Variants in ZNF793 observed in about 807,000 individuals in gnomAD.
ZNF793 encodes zinc finger protein 793.
In ZNF793, 5 loss-of-function variants were observed where a neutral mutation model predicts 12.4. The ratio of observed to expected loss-of-function variants is 0.40; its 90% CI spans 0.21 to 0.84. The LOEUF is 0.84. Among genes scored for constraint, ZNF793 ranks in the 40% least tolerant of loss-of-function variants. The pLI is 0.35. For missense variants in ZNF793, 456 were observed against 495.0 expected (o/e 0.92, Z 0.75); for synonymous variants, 162 against 172.4 (o/e 0.94, Z 0.47).
At position 37,523,413 on chromosome 19, in the gene ZNF793, T is replaced by G; in HGVS notation, c.-27T>G. The G allele has an allele frequency of 6.2e-7, 1 of 1,612,044 alleles. No individual in the cohort carries two copies. Among genetic ancestry groups the G allele is most frequent in the Non-Finnish European group, 8.5e-7 (1 of 1,178,194 alleles). ...TCTTCCCCCCACATGTCTACAGGTG[T>G]CAGATCTTTTTCAAGAACAGCAGAA... is the stretch of plus-strand genomic sequence containing the variant. On this transcript the variant is annotated 5_prime_UTR_variant, in exon 5 of 8. Transcript: ENST00000627814.
Position 37,537,592 on chromosome 19 carries a change from G to T in ZNF793, c.934G>T (p.Val312Phe). The T allele has an allele frequency of 6.2e-7, 1 of 1,614,176 alleles. No individual in the cohort carries two copies. Among genetic ancestry groups the T allele is most frequent in the Non-Finnish European group, 8.5e-7 (1 of 1,180,030 alleles). The change falls in exon 8 of 8, where the codon GTC becomes TTC. Residue 312 changes from valine to phenylalanine, a missense_variant. Val to Phe is a conservative substitution (Grantham distance 50, BLOSUM62 -1). Transcript: ENST00000627814. ...QRTHTGERPFVCSECGKSFGE... is the reference protein window; with the variant it reads ...QRTHTGERPFFCSECGKSFGE... ...AACACACACAGGAGAGAGACCCTTT[G>T]TCTGCAGTGAATGCGGGAAATCGTT...
At chr19:37,506,920 T>C (rs1378746234), upstream of ZNF793, 1 of 152,164 alleles carries the variant, frequency 6.6e-6, no homozygotes, top group Non-Finnish European at 1.5e-5. Context: ...AAAGTCGCAA[T>C]TGAGTCTGCG....
At chr19:37,530,644 G>A (rs140511747) in intron 5 of ZNF793, among the ~76,000 whole-genome samples, 10,438 of 151,986 alleles carry the variant, frequency 0.069, 509 homozygotes, top group African/African-American at 0.13. Context: ...GTTGGGGGTG[G>A]GGTTATAGAT....
At chr19:37,519,435 G>A (rs1384301743) in intron 2 of ZNF793, among the ~76,000 whole-genome samples, 1 of 152,060 alleles carries the variant, frequency 6.6e-6, no homozygotes, top group Non-Finnish European at 1.5e-5. Context: ...ACCAGAAGCA[G>A]AAACTATAAG....
chr19:37,532,355 G>A lies in ZNF793; in HGVS notation c.16-1G>A, dbSNP rs200503532. 1.9e-4 allele frequency: 304 copies of A among 1,613,242 alleles called. No individual in the cohort carries two copies. The highest frequency in any genetic ancestry group is 2.4e-4 in the Non-Finnish European group (287 of 1,179,600). On this transcript the variant is annotated splice_acceptor_variant, in intron 5 of 7. Transcript: ENST00000627814. LOFTEE classifies it high-confidence loss of function. ...ACTCAATGTCATTTTTGTTTCAACAGATACCTGTGTCATTCAAAGATGTGG... is the reference window on the plus strand; with the variant it reads ...ACTCAATGTCATTTTTGTTTCAACAAATACCTGTGTCATTCAAAGATGTGG...
intron 1 of ZNF793, among the ~76,000 whole-genome samples, chr19:37,507,491 G>A (rs1600400246): frequency 6.6e-6 from 1 of 152,242 alleles, no homozygotes. Context: ...TTCAAATGAG[G>A]GAGGTCAGTG....
rs1379247945 is a variant in ZNF793 at position 37,533,320 on chromosome 19, C to T, written c.155C>T (p.Thr52Ile). 3.1e-6 allele frequency: 5 copies of T among 1,613,848 alleles called. No individual in the cohort carries two copies. The highest frequency in any genetic ancestry group is 2.2e-5 in the East Asian group (1 of 44,896). ...SNLVSVGYEG[T>I]KPDVILRLEQ... is the part of the protein sequence containing the mutation. ...TTCCCCGGAACAGGTTATGAAGGCA[C>T]CAAACCAGATGTGATCCTCAGACTG... Residue 52 changes from threonine (T) to isoleucine (I), a missense_variant, in exon 7 of 8, where the codon ACC (threonine) becomes ATC (isoleucine). Coordinates refer to ENST00000627814, the MANE Select transcript of ZNF793 (RefSeq NM_001013659.3).
chr19:37,509,689 C>T (rs376452857), intron 2 of ZNF793, among the ~76,000 whole-genome samples: 13 of 152,296 alleles, frequency 8.5e-5, no homozygotes, highest in African/African-American at 3.1e-4. Context: ...ATACTGTGCT[C>T]AGTGCCAGGT....
chr19:37,515,923 G>T (rs2042328494), intron 2 of ZNF793, among the ~76,000 whole-genome samples: 1 of 152,146 alleles, frequency 6.6e-6, no homozygotes, highest in Non-Finnish European at 1.5e-5. Context: ...GAATAATTCT[G>T]CAGTTTATGT....
chr19:37,510,762 T>C (rs1300162319), intron 2 of ZNF793, among the ~76,000 whole-genome samples: 2 of 151,314 alleles, frequency 1.3e-5, no homozygotes, highest in African/African-American at 2.4e-5. Context: ...AGTGGCACGA[T>C]CTCGGCTTAC....
Position 37,533,727 on chromosome 19 carries a change from G to T in ZNF793, c.238+324G>T, listed in dbSNP as rs537865550. 4.6e-5 allele frequency: 21 copies of T among 459,574 alleles called. No homozygotes were observed. In the South Asian group the frequency reaches 1.1e-3, roughly 25 times the overall value. 28.5% of individuals were successfully genotyped at this position (459,574 alleles called of 1,614,324 possible). A position where few individuals can be genotyped will look rare whatever the true frequency, so the allele number is the denominator to read the frequency against. ...TTGTGACAAACTTTCCAGATAAAAT[G>T]CTTCAGAGCTACCTGCTTTCCCTAA... is the stretch of plus-strand genomic sequence containing the variant. On this transcript the variant is annotated intron_variant, in intron 7 of 7. Coordinates refer to ENST00000627814, the MANE Select transcript of ZNF793 (RefSeq NM_001013659.3).
chr19:37,530,265 G>A (rs976556639), intron 5 of ZNF793, among the ~76,000 whole-genome samples: 6 of 152,120 alleles, frequency 3.9e-5, no homozygotes, highest in African/African-American at 9.6e-5. Context: ...GCCCAGGGAC[G>A]GGCAGGAGAC....
chr19:37,517,227 T>A (rs1421941940), intron 2 of ZNF793, among the ~76,000 whole-genome samples: 1 of 152,140 alleles, frequency 6.6e-6, no homozygotes, highest in Non-Finnish European at 1.5e-5. Flanking sequence ...AAGCAAATAT[T>A]CATCATAGTT....
At position 37,532,395 on chromosome 19, in the gene ZNF793, C is replaced by A; in HGVS notation, c.55C>A (p.Gln19Lys). The stretch of plus-strand genomic sequence containing the variant: ...CAAAGATGTGGTTGTGGGCTTCACC[C>A]AAGAGGAGTGGCACCGGCTGAGTCC... ...SFKDVVVGFT[Q>K]EEWHRLSPAQ... The change falls in exon 6 of 8, where the codon CAA becomes AAA. Residue 19 changes from glutamine (Q) to lysine (K), a missense_variant. Transcript: ENST00000627814. 2 of 1,614,148 alleles carry A rather than the reference C, an allele frequency of 1.2e-6. No individual in the cohort carries two copies. The highest frequency in any genetic ancestry group is 1.7e-6 in the Non-Finnish European group (2 of 1,180,014).
At chr19:37,523,586 G>T in intron 5 of ZNF793, 132 bp downstream of exon 5, 1 of 823,360 alleles carries the variant, frequency 1.2e-6, no homozygotes, top group Non-Finnish European at 2.0e-6. Flanking sequence ...ACTCATAGAT[G>T]GAGATTTTTC....
Position 37,538,061 on chromosome 19 carries a change from A to T in ZNF793, c.*182A>T. The T allele has an allele frequency of 1.6e-6, 1 of 635,044 alleles. No individual in the cohort carries two copies. Among genetic ancestry groups the T allele is most frequent in the Non-Finnish European group, 2.5e-6 (1 of 398,080 alleles). 39.3% of individuals were successfully genotyped at this position (635,044 alleles called of 1,614,324 possible). On this transcript the variant is annotated 3_prime_UTR_variant, in exon 8 of 8. Transcript: ENST00000627814. ...CGAGTAGCTGGGACTACAGGTGCCC[A>T]CCACCATGCCCGGCTAATTTTTTTT...
rs867649225 is a variant in ZNF793 at position 37,517,215 on chromosome 19, C to A, written c.-275-2969C>A. Among the ~76,000 whole-genome samples, 8 of 152,214 alleles carry A rather than the reference C, an allele frequency of 5.3e-5. No individual in the cohort carries two copies. In the South Asian group the frequency reaches 1.7e-3, roughly 32 times the overall value. ...CTAATTTTACCTTGTTGAAGGAAAT[C>A]GAAGCAAATATTCATCATAGTTCTA... is the stretch of plus-strand genomic sequence containing the variant. On this transcript the variant is annotated intron_variant, in intron 2 of 7. Transcript: ENST00000627814.
chr19:37,517,254 A>C (rs2042339662), intron 2 of ZNF793, among the ~76,000 whole-genome samples: 1 of 152,226 alleles, frequency 6.6e-6, no homozygotes, highest in Non-Finnish European at 1.5e-5. Context: ...TATGTATCCA[A>C]TTACTGTTTC....
intron 2 of ZNF793, among the ~76,000 whole-genome samples, chr19:37,511,840 C>T (rs1396460783): frequency 1.3e-5 from 2 of 152,142 alleles, no homozygotes; most frequent in African/African-American, 2.4e-5. Context: ...GTTAAGGACT[C>T]TTCTCAGTAG....
Sources: gnomAD v4.1 joint callset for allele counts (sites outside exome capture counted in the v4.1 genomes callset) on GRCh38, gnomAD v4.1.1 for gene constraint, MANE v1.5 for transcripts, NCBI Gene and HGNC (gene_info 2026-07-23, HGNC 2026-07-21) for gene names.